The following DPP10 variants were observed in gnomAD, a reference collection of about 807,000 sequenced individuals.
The protein encoded by DPP10 is dipeptidyl peptidase like 10, also known as inactive dipeptidyl peptidase 10.
DPP10 carries 33 observed loss-of-function variants against 120.9 expected under a neutral mutation model. The observed-to-expected ratio is 0.27, with a 90% CI of 0.21 to 0.37. The LOEUF is 0.37. Ranked by LOEUF, DPP10 falls within the 10% of genes least tolerant of loss-of-function variation. DPP10 has a pLI of 1.00. For synonymous variants in DPP10, 337 were observed against 326.1 expected, an observed-to-expected ratio of 1.03 and a Z score of -0.36; for missense variants, 816 against 942.8, an observed-to-expected ratio of 0.87 and a Z score of 1.76.
intron 1 of DPP10, among the ~76,000 whole-genome samples, chr2:115,116,639 G>T (rs1476702710): frequency 6.6e-6 from 1 of 152,042 alleles, no homozygotes; most frequent in Non-Finnish European, 1.5e-5. Flanking sequence ...AGAAAACCTT[G>T]TCCAAGCCAC....
rs1282337696 is a variant in DPP10 at position 115,845,344 on chromosome 2, C to T, written c.*2999C>T. 2.0e-5 allele frequency: 3 copies of T among 152,220 alleles called. No homozygotes were observed. The highest frequency in any genetic ancestry group is 4.8e-5 in the African/African-American group (2 of 41,438). The allele number at this position is 152,220 out of a possible 1,614,324, so 9.4% of individuals were successfully genotyped here. ...GCTCTGCTCACTTTCACTTTCTGTT[C>T]TGGGGATTCTCTGATACTAATTTTG... is the stretch of plus-strand genomic sequence containing the variant. On this transcript the variant is annotated 3_prime_UTR_variant, in exon 26 of 26. Coordinates refer to ENST00000410059, the MANE Select transcript of DPP10 (RefSeq NM_020868.6).
intron 1 of DPP10, among the ~76,000 whole-genome samples, chr2:115,221,754 G>GTTTTTTTTT (rs56077672): frequency 3.3e-4 from 40 of 120,144 alleles, no homozygotes; most frequent in African/African-American, 5.3e-4. Flanking sequence ...GTTTGTTTCT[G>GTTTTTTTTT]TTTTTTTTTT....
chr2:115,218,661 C>G (rs1275229402), intron 1 of DPP10, among the ~76,000 whole-genome samples: 2 of 152,032 alleles, frequency 1.3e-5, no homozygotes, highest in African/African-American at 4.8e-5. Flanking sequence ...ATGTGTGGCT[C>G]TCTTTCCATA....
Position 115,341,869 on chromosome 2 carries a change from A to G in DPP10, c.176-1948A>G, listed in dbSNP as rs139304951. On this transcript the variant is annotated intron_variant, in intron 2 of 25. Coordinates refer to ENST00000410059, the MANE Select transcript of DPP10 (RefSeq NM_020868.6). ...TTGAAGGACATCTTGGTTGCTTCCA[A>G]ATTTTGGCAATTATTAATAAAGCTG... Among the ~76,000 whole-genome samples, 903 of 152,214 alleles carry G rather than the reference A, an allele frequency of 5.9e-3. 7 individuals are homozygous for G. Among genetic ancestry groups the G allele is most frequent in the African/African-American group, 0.02 (837 of 41,522 alleles).
At chr2:114,805,204 C>T (rs1684619855) in intron 1 of DPP10, among the ~76,000 whole-genome samples, 1 of 152,202 alleles carries the variant, frequency 6.6e-6, no homozygotes, top group Admixed American at 6.5e-5. Context: ...TCCAATTAAA[C>T]CTCATTTTCT....
chr2:115,384,709 A>G (rs1013310453), intron 3 of DPP10, among the ~76,000 whole-genome samples: 1 of 135,406 alleles, frequency 7.4e-6, no homozygotes, highest in African/African-American at 2.7e-5. Context: ...GAAAGAAGAA[A>G]GAAGAAGAAG....
At chr2:115,609,302 A>G (rs1030129877) in intron 5 of DPP10, among the ~76,000 whole-genome samples, 3 of 152,136 alleles carry the variant, frequency 2.0e-5, no homozygotes, top group African/African-American at 7.2e-5. Flanking sequence ...TCTCAAAACA[A>G]TAACTTTCTC....
At chr2:115,241,529 G>A (rs1416663106) in intron 1 of DPP10, among the ~76,000 whole-genome samples, 3 of 152,114 alleles carry the variant, frequency 2.0e-5, no homozygotes, top group South Asian at 2.1e-4. Flanking sequence ...TGTAGATTTT[G>A]TGATTCACAA....
intron 5 of DPP10, among the ~76,000 whole-genome samples, chr2:115,560,950 AAG>A (rs895833361): frequency 6.6e-6 from 1 of 152,146 alleles, no homozygotes; most frequent in Non-Finnish European, 1.5e-5. Flanking sequence ...GTGAAAGTGA[AAG>A]AGCAGGTCAT....
intron 1 of DPP10, among the ~76,000 whole-genome samples, chr2:114,744,073 G>A (rs1306222463): frequency 6.6e-6 from 1 of 152,114 alleles, no homozygotes; most frequent in African/African-American, 2.4e-5. Context: ...ACCAAGCAGA[G>A]TTCTGATTAC....
intron 1 of DPP10, among the ~76,000 whole-genome samples, chr2:114,521,251 GACACACACACAC>G (rs60539029): frequency 4.8e-5 from 7 of 144,506 alleles, no homozygotes; most frequent in African/African-American, 1.0e-4. Context: ...CACATGCACA[GACACACACACAC>G]ACACACACAC....
chr2:114,811,918 T>C (rs905474673), intron 1 of DPP10, among the ~76,000 whole-genome samples: 4 of 152,202 alleles, frequency 2.6e-5, no homozygotes, highest in African/African-American at 7.2e-5. Flanking sequence ...AAGCTCTCAA[T>C]AGGAGAGGCT....
chr2:114,932,381 A>AC (rs1173054644), intron 1 of DPP10, among the ~76,000 whole-genome samples: 1 of 152,224 alleles, frequency 6.6e-6, no homozygotes, highest in Non-Finnish European at 1.5e-5. Context: ...AGCTTTATAT[A>AC]CATCATGGCC....
chr2:114,462,286 T>A, intron 1 of DPP10: 2 of 380,544 alleles, frequency 5.3e-6, no homozygotes, highest in Non-Finnish European at 7.2e-6. Context: ...CAATGAGGAA[T>A]AAACGTTGTG....
At chr2:115,167,716 A>G (rs573224347) in intron 1 of DPP10, among the ~76,000 whole-genome samples, 2 of 152,262 alleles carry the variant, frequency 1.3e-5, no homozygotes, top group Non-Finnish European at 2.9e-5. Context: ...ATGATTACAC[A>G]TGAGTTTTTG....
At chr2:115,394,846 A>T (rs2106558069) in intron 3 of DPP10, among the ~76,000 whole-genome samples, 1 of 152,288 alleles carries the variant, frequency 6.6e-6, no homozygotes, top group Non-Finnish European at 1.5e-5. Context: ...GGAAATCCAT[A>T]CATAGTTACT....
At chr2:114,709,002 C>T (rs1472814431) in intron 1 of DPP10, among the ~76,000 whole-genome samples, 10 of 152,300 alleles carry the variant, frequency 6.6e-5, no homozygotes, top group Middle Eastern at 3.4e-3. Context: ...GGGACCCACC[C>T]GCCTCTGCCT....
At chr2:115,627,224 T>C (rs915720939) in intron 5 of DPP10, among the ~76,000 whole-genome samples, 1 of 152,202 alleles carries the variant, frequency 6.6e-6, no homozygotes. Flanking sequence ...TTCACCCTAT[T>C]GCTGATAGAG....
intron 1 of DPP10, among the ~76,000 whole-genome samples, chr2:114,783,615 T>A (rs1682517490): frequency 6.6e-6 from 1 of 152,046 alleles, no homozygotes; most frequent in Non-Finnish European, 1.5e-5. Flanking sequence ...GAAGGGCAGA[T>A]CATTTGAGCC....
Sources: allele counts gnomAD v4.1 joint callset (sites outside exome capture counted in the v4.1 genomes callset), GRCh38; gene constraint gnomAD v4.1.1; transcripts MANE v1.5; gene names NCBI Gene and HGNC (gene_info 2026-07-23, HGNC 2026-07-21).